Variants in TMC1 observed in about 807,000 individuals in gnomAD.
TMC1 encodes the protein transmembrane channel-like protein 1.
Under a neutral mutation model 105.8 loss-of-function variants are expected in TMC1, and 84 were observed. The observed-to-expected ratio is 0.79, with a 90% CI of 0.67 to 0.95. The LOEUF is 0.95. Among genes scored for constraint, TMC1 ranks in the 40% least tolerant of loss-of-function variants. The pLI, the probability that TMC1 is intolerant of heterozygous loss-of-function variation, is 0.00. For synonymous variants in TMC1, 315 were observed against 311.5 expected (o/e 1.01, Z -0.12); for missense variants, 817 against 914.1 (o/e 0.89, Z 1.37).
chr9:72,768,386 G>A (rs1000453043), intron 12 of TMC1, among the ~76,000 whole-genome samples: 1 of 152,162 alleles, frequency 6.6e-6, no homozygotes, highest in Non-Finnish European at 1.5e-5. Context: ...ACAGGTTGAT[G>A]GGTGCAGCAA....
intron 5 of TMC1, among the ~76,000 whole-genome samples, chr9:72,678,516 C>T (rs545031505): frequency 7.2e-5 from 11 of 151,908 alleles, no homozygotes; most frequent in Non-Finnish European, 1.6e-4. Flanking sequence ...AGGTTTCTCA[C>T]CAGTAAAGCA....
chr9:72,670,745 AT>A (rs1826116143), intron 5 of TMC1, among the ~76,000 whole-genome samples: 1 of 152,234 alleles, frequency 6.6e-6, no homozygotes, highest in Non-Finnish European at 1.5e-5. Flanking sequence ...AAATTACAAT[AT>A]CTGAGATGAA....
intron 5 of TMC1, among the ~76,000 whole-genome samples, chr9:72,652,559 A>T (rs1310204874): frequency 6.6e-6 from 1 of 152,216 alleles, no homozygotes; most frequent in Non-Finnish European, 1.5e-5. Flanking sequence ...GGAAGGTGGG[A>T]TCAGTTAAGA....
chr9:72,572,503 C>T (rs1008995442), intron 1 of TMC1, among the ~76,000 whole-genome samples: 6 of 152,122 alleles, frequency 3.9e-5, no homozygotes, highest in African/African-American at 1.4e-4. Context: ...GGGCAGTATC[C>T]TTGAACATCT....
intron 2 of TMC1, among the ~76,000 whole-genome samples, chr9:72,582,077 C>T (rs1399694247): frequency 6.6e-6 from 1 of 152,192 alleles, no homozygotes; most frequent in Non-Finnish European, 1.5e-5. Flanking sequence ...TCTGCTTCAG[C>T]CTCCCGAGTA....
chr9:72,676,098 G>A (rs543579117), intron 5 of TMC1, among the ~76,000 whole-genome samples: 1 of 152,274 alleles, frequency 6.6e-6, no homozygotes, highest in African/African-American at 2.4e-5. Flanking sequence ...AGGCAGCACA[G>A]CAAGTTTGAA....
At chr9:72,548,886 C>T (rs569680259) in intron 1 of TMC1, among the ~76,000 whole-genome samples, 4 of 152,292 alleles carry the variant, frequency 2.6e-5, no homozygotes, top group South Asian at 4.1e-4. Context: ...TTTCTAAAGA[C>T]GATGTGCTGC....
intron 10 of TMC1, among the ~76,000 whole-genome samples, chr9:72,750,469 G>C (rs1827564824): frequency 6.6e-6 from 1 of 152,158 alleles, no homozygotes; most frequent in African/African-American, 2.4e-5. Context: ...TTTTGCTTTT[G>C]TAAATCTATG....
chr9:72,602,510 G>A (rs1824835305), intron 2 of TMC1, among the ~76,000 whole-genome samples: 1 of 151,790 alleles, frequency 6.6e-6, no homozygotes, highest in Admixed American at 6.6e-5. Flanking sequence ...GAGCAACTGG[G>A]ACTACAGGCA....
intron 8 of TMC1, among the ~76,000 whole-genome samples, chr9:72,710,265 A>G (rs1826813800): frequency 6.6e-6 from 1 of 152,148 alleles, no homozygotes; most frequent in African/African-American, 2.4e-5. Context: ...CTGGCCTGTC[A>G]TATGGTTTAT....
At chr9:72,635,124 A>T (rs1293466510) in intron 4 of TMC1, among the ~76,000 whole-genome samples, 2 of 152,096 alleles carry the variant, frequency 1.3e-5, no homozygotes, top group African/African-American at 4.8e-5. Context: ...GTGGTGGCAC[A>T]TGCCTGTAAT....
chr9:72,526,645 C>A (rs912724779), intron 1 of TMC1, among the ~76,000 whole-genome samples: 1 of 152,144 alleles, frequency 6.6e-6, no homozygotes, highest in African/African-American at 2.4e-5. Context: ...ATTAAAACCC[C>A]TGTGACTTTA....
In TMC1 at chr9:72,690,622, T is replaced by C. The variant is rs559698844; in HGVS notation, c.64+1866T>C. On this transcript the variant is annotated intron_variant, in intron 6 of 23. Transcript: ENST00000297784. Reference sequence around the variant, plus strand: ...TAGCTTTCTTGGTTGGCAGGTTTCTTCTTTCCAACACTTTTAAAATATCAT... The same window carrying C: ...TAGCTTTCTTGGTTGGCAGGTTTCTCCTTTCCAACACTTTTAAAATATCAT... Among the ~76,000 whole-genome samples, 4 of 152,304 alleles carry C rather than the reference T, an allele frequency of 2.6e-5. No homozygotes were observed. The East Asian group carries it at 7.7e-4, about 29-fold the overall frequency.
intron 18 of TMC1, among the ~76,000 whole-genome samples, chr9:72,809,833 G>A (rs891989130): frequency 6.6e-6 from 1 of 152,046 alleles, no homozygotes. Context: ...TCTGCAGTTG[G>A]GATATTCATT....
At chr9:72,734,021 C>T (rs1035263333) in intron 8 of TMC1, among the ~76,000 whole-genome samples, 1 of 152,150 alleles carries the variant, frequency 6.6e-6, no homozygotes, top group African/African-American at 2.4e-5. Flanking sequence ...CTGTGACAGT[C>T]AATCTGAGAA....
intron 1 of TMC1, among the ~76,000 whole-genome samples, chr9:72,576,618 C>CTTTTTTTTTTTTTTTTT (rs71357588): frequency 7.4e-6 from 1 of 135,148 alleles, no homozygotes. Context: ...CTCCCAATTT[C>CTTTTTTTTTTTTTTTTT]TTTTTTTTTT....
At chr9:72,539,655 A>T (rs898388907) in intron 1 of TMC1, among the ~76,000 whole-genome samples, 2 of 152,098 alleles carry the variant, frequency 1.3e-5, no homozygotes, top group African/African-American at 4.8e-5. Flanking sequence ...AATCTCTAAG[A>T]AGTTCCAAAC....
chr9:72,573,913 G>GT (rs1267515181), intron 1 of TMC1, among the ~76,000 whole-genome samples: 1 of 152,158 alleles, frequency 6.6e-6, no homozygotes, highest in Non-Finnish European at 1.5e-5. Flanking sequence ...GTACTCAATA[G>GT]TTATCTTTTC....
At chr9:72,687,676 G>A (rs1230403711) in intron 5 of TMC1, among the ~76,000 whole-genome samples, 2 of 152,074 alleles carry the variant, frequency 1.3e-5, no homozygotes, top group Non-Finnish European at 2.9e-5. Flanking sequence ...TACACTCTTG[G>A]CATGTGTTGC....
Sources: gnomAD v4.1 joint callset for allele counts (sites outside exome capture counted in the v4.1 genomes callset) on GRCh38, gnomAD v4.1.1 for gene constraint, MANE v1.5 for transcripts, NCBI Gene and HGNC (gene_info 2026-07-23, HGNC 2026-07-21) for gene names.